HDAC4: variants seen among roughly 807,000 people sequenced by gnomAD.
The protein encoded by HDAC4 is histone deacetylase 4.
In HDAC4, 16 loss-of-function variants were observed where a neutral mutation model predicts 135.1. That is an observed-to-expected ratio of 0.12 (90% confidence interval 0.08 to 0.18). The LOEUF is 0.18. Among genes scored for constraint, HDAC4 ranks in the 10% least tolerant of loss-of-function variants. The probability of loss-of-function intolerance (pLI) is 1.00; values close to 1 mark genes in which losing one functional copy is unlikely to be tolerated. For missense variants in HDAC4, 1,143 were observed against 1,511.8 expected (o/e 0.76, Z 4.05); for synonymous variants, 685 against 653.4 (o/e 1.05, Z -0.74).
At chr2:239,315,922 A>C (rs570068060) in intron 2 of HDAC4, among the ~76,000 whole-genome samples, 1 of 152,342 alleles carries the variant, frequency 6.6e-6, no homozygotes, top group East Asian at 1.9e-4. Flanking sequence ...TACAGGGTGA[A>C]AGCAGCATGA....
rs1449721829 is a variant in HDAC4 at position 239,308,998 on chromosome 2, TG to T, written c.22+43679del. The T allele has an allele frequency of 2.0e-5, 3 of 152,212 alleles. No individual in the cohort carries two copies. The highest frequency in any genetic ancestry group is 4.8e-5 in the African/African-American group (2 of 41,450). 9.4% of individuals were successfully genotyped at this position (152,212 alleles called of 1,614,324 possible). On this transcript the variant is annotated intron_variant, in intron 2 of 26. Transcript: ENST00000543185. This position sits in a 1 kb window ranked among gnomAD's most constrained non-coding sequence, Gnocchi z 4.2. The stretch of plus-strand genomic sequence containing the variant: ...TCTTGATAACAAGCCGCCGGCTCGC[TG>T]GAAGACACTGAGCAGTTACATAACA...
upstream of HDAC4, chr2:239,401,404 A>G (rs1409253111): frequency 6.3e-6 from 1 of 159,810 alleles, no homozygotes; most frequent in Non-Finnish European, 1.4e-5. Context: ...GGGCGTACCA[A>G]AAGACGCTCC....
chr2:239,263,175 C>G (rs1419558120), intron 2 of HDAC4, among the ~76,000 whole-genome samples: 1 of 152,176 alleles, frequency 6.6e-6, no homozygotes, highest in Non-Finnish European at 1.5e-5. Flanking sequence ...TGTCGGTGCC[C>G]TAGCCTCTGC....
intron 1 of HDAC4, among the ~76,000 whole-genome samples, chr2:239,370,832 T>C (rs1426877127): frequency 6.6e-6 from 1 of 152,228 alleles, no homozygotes; most frequent in African/African-American, 2.4e-5. Flanking sequence ...TGATGATGAT[T>C]ACTTTAAGAA....
intron 2 of HDAC4, among the ~76,000 whole-genome samples, chr2:239,326,988 A>T (rs182596320): frequency 6.6e-6 from 1 of 152,388 alleles, no homozygotes; most frequent in Non-Finnish European, 1.5e-5. Context: ...GAGTGCAGGC[A>T]TGAGAGGCAC....
intron 2 of HDAC4, among the ~76,000 whole-genome samples, chr2:239,321,859 G>C (rs1305048488): frequency 6.6e-6 from 1 of 152,178 alleles, no homozygotes. Context: ...GGCACATCCG[G>C]TTGTTAAGGG....
chr2:239,315,555 C>T (rs560415829), intron 2 of HDAC4, among the ~76,000 whole-genome samples: 1 of 152,162 alleles, frequency 6.6e-6, no homozygotes, highest in East Asian at 1.9e-4. Flanking sequence ...CGACAGACAC[C>T]ATCAACCCGG....
chr2:239,129,926 G>GA (rs1360918865), intron 11 of HDAC4, among the ~76,000 whole-genome samples: 2 of 152,322 alleles, frequency 1.3e-5, no homozygotes, highest in East Asian at 3.9e-4. Flanking sequence ...AAAAGAAGGT[G>GA]AAAGACTGGA....
intron 12 of HDAC4, among the ~76,000 whole-genome samples, chr2:239,120,382 G>GCACACACAGAC (rs1559466650): frequency 2.5e-4 from 38 of 150,066 alleles, no homozygotes; most frequent in African/African-American, 8.3e-4. Context: ...TACCCGCAGA[G>GCACACACAGAC]GCACACACAG....
At chr2:239,321,217 G>A (rs1012065016) in intron 2 of HDAC4, among the ~76,000 whole-genome samples, 1 of 152,140 alleles carries the variant, frequency 6.6e-6, no homozygotes, top group Non-Finnish European at 1.5e-5. Context: ...TGTAATCCCG[G>A]CACTTTGGAA....
At chr2:239,056,764 C>T (rs1178738929) in intron 24 of HDAC4, among the ~76,000 whole-genome samples, 2 of 152,174 alleles carry the variant, frequency 1.3e-5, no homozygotes, top group Admixed American at 6.5e-5. Context: ...AAGCGTAACC[C>T]GATGGTGGAA....
intron 2 of HDAC4, among the ~76,000 whole-genome samples, chr2:239,340,468 G>A (rs1692230797): frequency 6.6e-6 from 1 of 152,176 alleles, no homozygotes; most frequent in African/African-American, 2.4e-5. Flanking sequence ...AGGCTGGGCT[G>A]CATGGGACAG....
At chr2:239,104,384 A>G (rs2037935789) in intron 15 of HDAC4, among the ~76,000 whole-genome samples, 1 of 152,028 alleles carries the variant, frequency 6.6e-6, no homozygotes, top group Non-Finnish European at 1.5e-5. Context: ...GCCCACCATC[A>G]CACCTGGCTA....
Position 239,308,848 on chromosome 2 carries a change from T to C in HDAC4, c.22+43830A>G, listed in dbSNP as rs1329749256. On this transcript the variant is annotated intron_variant, in intron 2 of 26. Coordinates refer to ENST00000543185, the MANE Select transcript of HDAC4 (RefSeq NM_001378414.1). This position sits in a 1 kb window ranked among gnomAD's most constrained non-coding sequence, Gnocchi z 4.2. ...GCTCCCAGACCCAAGGGCAAGGCTG[T>C]CACAGGCGAAAGACGGGTTCCCCTT... Among the ~76,000 whole-genome samples, 2 of 152,104 alleles carry C rather than the reference T, an allele frequency of 1.3e-5. No homozygotes were observed. The highest frequency in any genetic ancestry group is 2.9e-5 in the Non-Finnish European group (2 of 68,020).
intron 1 of HDAC4, among the ~76,000 whole-genome samples, chr2:239,369,158 G>A (rs747560498): frequency 6.6e-6 from 1 of 152,212 alleles, no homozygotes; most frequent in Non-Finnish European, 1.5e-5. Flanking sequence ...TCCAAGAAAG[G>A]AGGGAAGGCT....
chr2:239,171,169 CAAAAA>C (rs34204026), intron 5 of HDAC4, among the ~76,000 whole-genome samples: 1 of 114,382 alleles, frequency 8.7e-6, no homozygotes. Context: ...ACAATCTGAC[CAAAAA>C]AAAAAAAAAA....
rs978700320 is a variant in HDAC4 at position 239,245,313 on chromosome 2, A to C, written c.23-8649T>G. ...GCTATGATCAGTCAAGCCCTGAAAC[A>C]GAAAATCCCAGGACAAAGGACTCAG... On this transcript the variant is annotated intron_variant, in intron 2 of 26. Transcript: ENST00000543185. This position sits in a 1 kb window ranked among gnomAD's most constrained non-coding sequence, Gnocchi z 4.4. Among the ~76,000 whole-genome samples the C allele has an allele frequency of 3.9e-5, 6 of 152,236 alleles. No homozygotes were observed.
In HDAC4 at chr2:239,245,460, C is replaced by T. The variant is rs186062037; in HGVS notation, c.23-8796G>A. ...AAGACAACCAGTAAAAATTAAACAT[C>T]GTTTGGGTATAAGATGATATGTAGG... On this transcript the variant is annotated intron_variant, in intron 2 of 26. Transcript: ENST00000543185. The surrounding 1 kb of genome is among the most constrained non-coding windows in gnomAD (Gnocchi z 4.4). Among the ~76,000 whole-genome samples, 180 of 152,234 alleles carry T rather than the reference C, an allele frequency of 1.2e-3. No individual in the cohort carries two copies. The highest frequency in any genetic ancestry group is 4.3e-3 in the African/African-American group (178 of 41,518).
At position 239,262,954 on chromosome 2, in the gene HDAC4, T is replaced by G. The variant is rs2125116127; in HGVS notation, c.23-26290A>C. The stretch of plus-strand genomic sequence containing the variant: ...GGAAGCTTCTGTGCTTCACGAAAGA[T>G]CTACGCGTGAAGCCCCCGGGAAGCC... On this transcript the variant is annotated intron_variant, in intron 2 of 26. Transcript: ENST00000543185. This position sits in a 1 kb window ranked among gnomAD's most constrained non-coding sequence, Gnocchi z 4.1. Among the ~76,000 whole-genome samples the G allele has an allele frequency of 6.6e-6, 1 of 151,142 alleles. No individual in the cohort carries two copies. The highest frequency in any genetic ancestry group is 2.4e-5 in the African/African-American group (1 of 41,148).
Sources: allele counts gnomAD v4.1 joint callset (sites outside exome capture counted in the v4.1 genomes callset), GRCh38; gene constraint gnomAD v4.1.1; non-coding constraint Gnocchi (gnomAD v3.1); transcripts MANE v1.5; gene names NCBI Gene and HGNC (gene_info 2026-07-23, HGNC 2026-07-21).